MGA: variants seen among roughly 807,000 people sequenced by gnomAD.
MGA encodes MAX dimerization protein MGA.
MGA carries 40 observed loss-of-function variants against 261.1 expected under a neutral mutation model. That is an observed-to-expected ratio of 0.15 (90% CI 0.12 to 0.20). The LOEUF is 0.20. Ranked by LOEUF, MGA falls within the 10% of genes least tolerant of loss-of-function variation. MGA has a pLI of 1.00. For missense variants in MGA, 3,397 were observed against 3,630.5 expected, an observed-to-expected ratio of 0.94 and a Z score of 1.65; for synonymous variants, 1,302 against 1,290.6, an observed-to-expected ratio of 1.01 and a Z score of -0.19.
At position 41,696,221 on chromosome 15, in the gene MGA, A is replaced by G. The variant is rs764206671; in HGVS notation, c.1211A>G (p.Gln404Arg). The stretch of plus-strand genomic sequence containing the variant: ...TGCCCAGAAGGGGTCACTGTGAAAC[A>G]GGAAGAGACAGATGAAGAGACGGAT... The change falls in exon 3 of 24, where the codon CAG becomes CGG. Residue 404 changes from glutamine (Q) to arginine (R), a missense_variant. Transcript: ENST00000219905. 2 of 1,613,990 alleles carry G rather than the reference A, an allele frequency of 1.2e-6. No individual in the cohort carries two copies. Among genetic ancestry groups the G allele is most frequent in the Non-Finnish European group, 1.7e-6 (2 of 1,179,890 alleles).
chr15:41,708,454 A>T (rs2151449891), intron 7 of MGA, among the ~76,000 whole-genome samples: 1 of 152,172 alleles, frequency 6.6e-6, no homozygotes, highest in Middle Eastern at 3.4e-3. Flanking sequence ...AACAGCTGGG[A>T]CTATAGGCAT....
Position 41,708,226 on chromosome 15 carries a change from A to T in MGA, c.2425+18A>T, listed in dbSNP as rs920720875. 3 of 1,498,980 alleles carry T rather than the reference A, an allele frequency of 2.0e-6. No individual in the cohort carries two copies. Among genetic ancestry groups the T allele is most frequent in the East Asian group, 2.4e-5 (1 of 41,574 alleles). The allele number at this position is 1,498,980 out of a possible 1,614,324, so 92.9% of individuals were successfully genotyped here. ...GAATGAAGGTAATTAGTTTTTTAAAATTTTTTAAATGTTCTGAAACATGTA... is the reference window on the plus strand; with the variant it reads ...GAATGAAGGTAATTAGTTTTTTAAATTTTTTTAAATGTTCTGAAACATGTA... On this transcript the variant is annotated intron_variant, in intron 7 of 23. Transcript: ENST00000219905.
Position 41,749,905 on chromosome 15 carries a change from A to G in MGA, c.6298A>G (p.Asn2100Asp). Residue 2100 changes from asparagine to aspartate, a missense_variant, in exon 17 of 24, where the codon AAT (asparagine) becomes GAT (aspartate). Around this residue, in one of 9 missense-constraint regions of MGA, gnomAD observed 1,410 missense variants for 1,386.4 expected, o/e 1.02. Transcript: ENST00000219905. ...AAAAGCCAGTAATAAGACAGTCCAAAATTTAAGTAAAGTACAGCATCAAAA... is the reference window on the plus strand; with the variant it reads ...AAAAGCCAGTAATAAGACAGTCCAAGATTTAAGTAAAGTACAGCATCAAAA... 1 of 1,613,992 alleles carries G rather than the reference A, an allele frequency of 6.2e-7. No homozygotes were observed.
chr15:41,700,208 C>T (rs982839063), intron 5 of MGA, among the ~76,000 whole-genome samples: 1 of 151,720 alleles, frequency 6.6e-6, no homozygotes. Flanking sequence ...CCATGCCCGG[C>T]TAATTTTTTT....
chr15:41,745,118 C>T (rs1025742595), intron 15 of MGA, among the ~76,000 whole-genome samples: 4 of 151,914 alleles, frequency 2.6e-5, no homozygotes, highest in Admixed American at 2.0e-4. Flanking sequence ...ACCTCATGAT[C>T]GGCCTGCCTT....
intron 2 of MGA, among the ~76,000 whole-genome samples, chr15:41,678,917 C>T (rs2058525182): frequency 6.6e-6 from 1 of 152,160 alleles, no homozygotes; most frequent in African/African-American, 2.4e-5. Flanking sequence ...TATCTTTATG[C>T]CAGTGTCACA....
intron 1 of MGA, among the ~76,000 whole-genome samples, chr15:41,646,108 G>C (rs2056928848): frequency 1.3e-5 from 2 of 152,012 alleles, no homozygotes; most frequent in Non-Finnish European, 1.5e-5. Context: ...CTCAATCACT[G>C]CTTCAGAAAA....
intron 1 of MGA, among the ~76,000 whole-genome samples, chr15:41,637,952 C>T (rs1166892544): frequency 6.9e-6 from 1 of 145,034 alleles, no homozygotes; most frequent in East Asian, 2.2e-4. Context: ...GTTGGCCAGG[C>T]TGGTCTCGAA....
chr15:41,656,627 C>G (rs2057205156), upstream of MGA, among the ~76,000 whole-genome samples: 1 of 151,964 alleles, frequency 6.6e-6, no homozygotes, highest in Non-Finnish European at 1.5e-5. Flanking sequence ...TCCCAAAGTT[C>G]TGGGATTACA....
At chr15:41,734,197 CGA>C (rs2061657319) in intron 11 of MGA, among the ~76,000 whole-genome samples, 1 of 152,006 alleles carries the variant, frequency 6.6e-6, no homozygotes, top group African/African-American at 2.4e-5. Flanking sequence ...CATGAGCCAC[CGA>C]GACTGGCCTC....
At chr15:41,738,279 A>C (rs2061898922) in intron 13 of MGA, among the ~76,000 whole-genome samples, 2 of 151,316 alleles carry the variant, frequency 1.3e-5, no homozygotes, top group Admixed American at 1.3e-4. Context: ...TGTGCCTGTA[A>C]TCCCAGCTAG....
At chr15:41,632,805 A>G (rs1206521550) in intron 1 of MGA, among the ~76,000 whole-genome samples, 1 of 151,586 alleles carries the variant, frequency 6.6e-6, no homozygotes, top group Non-Finnish European at 1.5e-5. Context: ...AGCTGGTGCC[A>G]TAGTATTGGC....
chr15:41,672,901 A>C (rs2058146830), intron 2 of MGA, among the ~76,000 whole-genome samples: 1 of 147,686 alleles, frequency 6.8e-6, no homozygotes, highest in Non-Finnish European at 1.5e-5. Flanking sequence ...CTATTTTCCC[A>C]TTTTCTATTC....
At chr15:41,624,133 C>T (rs1214977777) in intron 1 of MGA, among the ~76,000 whole-genome samples, 14 of 151,136 alleles carry the variant, frequency 9.3e-5, no homozygotes, top group African/African-American at 3.2e-4. Flanking sequence ...GGCATGATCT[C>T]GGCTTACTGC....
At chr15:41,748,520 C>T in intron 15 of MGA, 117 bp from the exon 16 acceptor site, 1 of 1,154,490 alleles carries the variant, frequency 8.7e-7, no homozygotes, top group South Asian at 1.6e-5. Flanking sequence ...TGTGTCATTG[C>T]ACTCCAGCCT....
chr15:41,699,395 A>T (rs192956098), intron 5 of MGA, among the ~76,000 whole-genome samples: 105 of 152,304 alleles, frequency 6.9e-4, no homozygotes, highest in Non-Finnish European at 1.4e-3. Context: ...TAAGAAAAAA[A>T]TGTATCATGG....
In MGA at chr15:41,742,631, C is replaced by T. The variant is rs1435922168; in HGVS notation, c.4671C>T (p.Ser1557=). 2.5e-6 allele frequency: 4 copies of T among 1,613,924 alleles called. No homozygotes were observed. The highest frequency in any genetic ancestry group is 3.4e-6 in the Non-Finnish European group (4 of 1,179,876). The change falls in exon 15 of 24, where the codon AGC becomes AGT. Residue 1557 remains serine (S), a synonymous_variant. Transcript: ENST00000219905. Reference sequence around the variant, plus strand: ...TGCAGCAGAAGATACCTGGAGTTAGCACACCCCAAACCCTGGCAGGGACAC... The same window carrying T: ...TGCAGCAGAAGATACCTGGAGTTAGTACACCCCAAACCCTGGCAGGGACAC...
chr15:41,747,069 A>G (rs544182054), intron 15 of MGA, among the ~76,000 whole-genome samples: 81 of 152,028 alleles, frequency 5.3e-4, no homozygotes, highest in African/African-American at 1.9e-3. Flanking sequence ...TTAAAGTACT[A>G]TTAATGGTTT....
Position 41,769,050 on chromosome 15 carries a change from C to G in MGA, c.*1770C>G, listed in dbSNP as rs1308290110. 6.6e-6 allele frequency: 1 copy of G among 152,588 alleles called. No homozygotes were observed. Among genetic ancestry groups the G allele is most frequent in the Non-Finnish European group, 1.5e-5 (1 of 68,054 alleles). 9.5% of individuals were successfully genotyped at this position (152,588 alleles called of 1,614,324 possible). On this transcript the variant is annotated 3_prime_UTR_variant, in exon 24 of 24. Coordinates refer to ENST00000219905, the MANE Select transcript of MGA (RefSeq NM_001164273.2). The stretch of plus-strand genomic sequence containing the variant: ...AGCTTCTTATCCTTCCACTCTTTAC[C>G]CAGCAGATTTCATTCAATGCCTTAG...
Sources: gnomAD v4.1 joint callset for allele counts (sites outside exome capture counted in the v4.1 genomes callset) on GRCh38, gnomAD v4.1.1 for gene constraint, gnomAD v4.1.1 regional missense constraint, MANE v1.5 for transcripts, NCBI Gene and HGNC (gene_info 2026-07-23, HGNC 2026-07-21) for gene names.